Variants in POM121C observed in about 807,000 individuals in gnomAD.
The protein encoded by POM121C is POM121 transmembrane nucleoporin C.
A neutral mutation model predicts 66.4 loss-of-function variants in POM121C; 20 were observed. The ratio of observed to expected loss-of-function variants is 0.30; its 90% CI spans 0.21 to 0.44. POM121C has a LOEUF of 0.44. POM121C is among the 20% of genes least tolerant of loss of function. POM121C has a pLI of 1.00. For synonymous variants in POM121C, 286 were observed against 528.0 expected, an observed-to-expected ratio of 0.54 and a Z score of 6.28; for missense variants, 580 against 1,225.7, an observed-to-expected ratio of 0.47 and a Z score of 7.87.
At chr7:75,423,900 T>C in intron 12 of POM121C, 149 bp downstream of exon 12, 2 of 1,473,038 alleles carry the variant, frequency 1.4e-6, no homozygotes, top group Non-Finnish European at 9.1e-7. Flanking sequence ...TCCGGCGCTG[T>C]TAAACGTAGG....
At chr7:75,463,800 C>A (rs1342895858) in intron 3 of POM121C, among the ~76,000 whole-genome samples, 1 of 152,058 alleles carries the variant, frequency 6.6e-6, no homozygotes, top group East Asian at 1.9e-4. Context: ...TCAAGCAATT[C>A]CCCTGCCTCA....
At chr7:75,466,214 A>T (rs1196004613) in intron 3 of POM121C, among the ~76,000 whole-genome samples, 2 of 151,334 alleles carry the variant, frequency 1.3e-5, no homozygotes, top group African/African-American at 2.4e-5. Flanking sequence ...GAAGCAATAA[A>T]AAAAAAAAAA....
chr7:75,465,842 G>C (rs1297717306), intron 3 of POM121C, among the ~76,000 whole-genome samples: 1 of 119,372 alleles, frequency 8.4e-6, no homozygotes, highest in East Asian at 2.7e-4. Flanking sequence ...GCTGCAGAGA[G>C]CTATACTCAC....
chr7:75,477,755 C>T (rs1584718185), intron 1 of POM121C, among the ~76,000 whole-genome samples: 1 of 150,298 alleles, frequency 6.7e-6, no homozygotes, highest in African/African-American at 2.4e-5. Flanking sequence ...ATAGCAAGAC[C>T]CTGTCTCTAC....
At chr7:75,433,413 T>C (rs1237676152) in intron 7 of POM121C, among the ~76,000 whole-genome samples, 1 of 151,602 alleles carries the variant, frequency 6.6e-6, no homozygotes, top group Admixed American at 6.6e-5. Context: ...TGGAGTGTAG[T>C]GGCGCGGTCT....
At chr7:75,428,027 AC>A (rs1164670540) in intron 7 of POM121C, among the ~76,000 whole-genome samples, 1 of 152,226 alleles carries the variant, frequency 6.6e-6, no homozygotes, top group Non-Finnish European at 1.5e-5. Context: ...AGAGCAGAAT[AC>A]AAAAACTCAT....
rs587720022 is a variant in POM121C at position 75,441,258 on chromosome 7, C to T, written c.66-143G>A. Reference sequence around the variant, plus strand: ...CCCTTAGCAAGTAAAGCTACTTTTTCGTTAACGGCAAAAAGTGAAAAACAA... The same window carrying T: ...CCCTTAGCAAGTAAAGCTACTTTTTTGTTAACGGCAAAAAGTGAAAAACAA... On this transcript the variant is annotated intron_variant, in intron 4 of 14. Transcript: ENST00000615331. 91 of 1,372,326 alleles carry T rather than the reference C, an allele frequency of 6.6e-5. No individual in the cohort carries two copies. The African/African-American group carries it at 1.1e-3, about 16-fold the overall frequency. 85.0% of individuals were successfully genotyped at this position (1,372,326 alleles called of 1,614,324 possible).
At chr7:75,434,386 T>C (rs1393379427) in intron 7 of POM121C, among the ~76,000 whole-genome samples, 10 of 151,908 alleles carry the variant, frequency 6.6e-5, no homozygotes, top group African/African-American at 2.4e-4. Context: ...GCAGTTCTCC[T>C]GCCTCAGCCT....
chr7:75,455,904 G>T (rs1791196819), intron 3 of POM121C, among the ~76,000 whole-genome samples: 1 of 152,150 alleles, frequency 6.6e-6, no homozygotes, highest in African/African-American at 2.4e-5. Flanking sequence ...TGCATGGCGA[G>T]CACTCACTAA....
At chr7:75,460,367 T>G (rs1791403948) in intron 3 of POM121C, among the ~76,000 whole-genome samples, 1 of 151,836 alleles carries the variant, frequency 6.6e-6, no homozygotes, top group Non-Finnish European at 1.5e-5. Context: ...CCAGGCATGG[T>G]GGCACATACC....
chr7:75,474,633 A>C (rs1478546814), intron 3 of POM121C, 71 bp downstream of exon 3: 1 of 578,238 alleles, frequency 1.7e-6, no homozygotes, highest in Admixed American at 3.0e-5. Flanking sequence ...GAATACATAT[A>C]AACAACTCTT....
At chr7:75,476,284 T>C (rs1792071823) in intron 1 of POM121C, among the ~76,000 whole-genome samples, 1 of 134,536 alleles carries the variant, frequency 7.4e-6, no homozygotes, top group African/African-American at 2.5e-5. Flanking sequence ...GAGCGAGACC[T>C]TGTCTCAAAA....
chr7:75,418,791 A>G lies in POM121C; in HGVS notation c.*5T>C, dbSNP rs1789574831. ...GGTGGGGGGAACAGGGACAGGGGACAAAGGCTACTTTTTGCGGGTGTGCTG... is the reference window on the plus strand; with the variant it reads ...GGTGGGGGGAACAGGGACAGGGGACGAAGGCTACTTTTTGCGGGTGTGCTG... On this transcript the variant is annotated 3_prime_UTR_variant, in exon 15 of 15. Coordinates refer to ENST00000615331, the MANE Select transcript of POM121C (RefSeq NM_001099415.3). 6.2e-7 allele frequency: 1 copy of G among 1,606,574 alleles called. No homozygotes were observed. The highest frequency in any genetic ancestry group is 8.5e-7 in the Non-Finnish European group (1 of 1,177,602).
intron 7 of POM121C, among the ~76,000 whole-genome samples, chr7:75,436,216 A>T (rs1790400459): frequency 6.6e-6 from 1 of 152,210 alleles, no homozygotes; most frequent in Admixed American, 6.5e-5. Flanking sequence ...TCCTCTTTCT[A>T]GAGGATCTGT....
rs1792528433 is a variant in POM121C at position 75,486,001 on chromosome 7, C to T, written c.-595G>A. 3 of 484,166 alleles carry T rather than the reference C, an allele frequency of 6.2e-6. No individual in the cohort carries two copies. Among genetic ancestry groups the T allele is most frequent in the Non-Finnish European group, 4.1e-6 (1 of 245,020 alleles). The allele number at this position is 484,166 out of a possible 1,614,324, so 30.0% of individuals were successfully genotyped here. On this transcript the variant is annotated 5_prime_UTR_variant, in exon 1 of 15. Coordinates refer to ENST00000615331, the MANE Select transcript of POM121C (RefSeq NM_001099415.3). ...CTGTTCTGCTCCCGAGGGGCCCGGG[C>T]CGGGCCTACGGGGCAAATCCAGGCG...
chr7:75,419,507 A>C, intron 13 of POM121C, 65 bp from the exon 14 acceptor site: 1 of 1,587,916 alleles, frequency 6.3e-7, no homozygotes, highest in Non-Finnish European at 8.6e-7. Flanking sequence ...GGAGCCGGGC[A>C]GGAGCCTGTG....
intron 7 of POM121C, among the ~76,000 whole-genome samples, chr7:75,432,670 G>A (rs1264816229): frequency 6.6e-6 from 1 of 152,004 alleles, no homozygotes; most frequent in African/African-American, 2.4e-5. Flanking sequence ...AAAGAATGAG[G>A]CAAATTACAC....
intron 3 of POM121C, among the ~76,000 whole-genome samples, chr7:75,452,843 G>T (rs587758511): frequency 6.6e-6 from 1 of 152,320 alleles, no homozygotes; most frequent in East Asian, 1.9e-4. Context: ...AAGAGGTGGA[G>T]GGAATAATAC....
At chr7:75,477,495 T>C (rs1210105315) in intron 1 of POM121C, among the ~76,000 whole-genome samples, 1 of 152,120 alleles carries the variant, frequency 6.6e-6, no homozygotes, top group Admixed American at 6.6e-5. Context: ...CCAGTTTCCC[T>C]AAATTACTTT....
Sources: allele counts gnomAD v4.1 joint callset (sites outside exome capture counted in the v4.1 genomes callset), GRCh38; gene constraint gnomAD v4.1.1; transcripts MANE v1.5; gene names NCBI Gene and HGNC (gene_info 2026-07-23, HGNC 2026-07-21).